Variants in RAB38 observed in about 807,000 individuals in gnomAD.
RAB38 encodes ras-related protein Rab-38.
A neutral mutation model predicts 18.4 loss-of-function variants in RAB38; 15 were observed. The ratio of observed to expected loss-of-function variants is 0.82; its 90% confidence interval spans 0.55 to 1.26. The LOEUF is 1.26. Among genes scored for constraint, RAB38 ranks in the 50% most tolerant of loss-of-function variants. The pLI, the probability that RAB38 is intolerant of heterozygous loss-of-function variation, is 0.00. For synonymous variants in RAB38, 101 were observed against 104.4 expected (o/e 0.97, Z 0.20); for missense variants, 294 against 267.4 (o/e 1.10, Z -0.69).
the RAB38 span, among the ~76,000 whole-genome samples, chr11:87,826,353 G>C: frequency 2.0e-5 from 3 of 151,452 alleles, no homozygotes; most frequent in African/African-American, 7.3e-5. Context: ...AAAAATAAAG[G>C]TGCCAAAAGA....
At chr11:88,151,978 G>GC (rs1423411686) in intron 1 of RAB38, among the ~76,000 whole-genome samples, 5 of 152,188 alleles carry the variant, frequency 3.3e-5, no homozygotes, top group African/African-American at 9.7e-5. Context: ...CAGTTGCCTA[G>GC]TCAACGAAAG....
chr11:88,009,806 T>C, the RAB38 span, among the ~76,000 whole-genome samples: 1 of 152,132 alleles, frequency 6.6e-6, no homozygotes, highest in Non-Finnish European at 1.5e-5. Flanking sequence ...TAATAGAGCA[T>C]TTTGTCTGTG....
At chr11:88,084,407 T>C in the RAB38 span, among the ~76,000 whole-genome samples, 1 of 150,320 alleles carries the variant, frequency 6.7e-6, no homozygotes, top group African/African-American at 2.4e-5. Flanking sequence ...TGTAACAAAA[T>C]AAAAAAAGGA....
the RAB38 span, among the ~76,000 whole-genome samples, chr11:88,059,894 T>A: frequency 6.6e-6 from 1 of 152,254 alleles, no homozygotes; most frequent in African/African-American, 2.4e-5. Flanking sequence ...CTGCCCACTG[T>A]CCTGGTGCCC....
At chr11:87,815,802 G>A in the RAB38 span, 2 of 152,254 alleles carry the variant, frequency 1.3e-5, no homozygotes, top group African/African-American at 4.8e-5. Flanking sequence ...TGAGTAGGAG[G>A]ATAATGCCAG....
chr11:88,091,411 C>T, the RAB38 span, among the ~76,000 whole-genome samples: 3 of 152,112 alleles, frequency 2.0e-5, no homozygotes, highest in Non-Finnish European at 2.9e-5. Flanking sequence ...GAACAGATGA[C>T]GGCTCTTGAA....
the RAB38 span, among the ~76,000 whole-genome samples, chr11:88,105,062 T>C: frequency 6.6e-6 from 1 of 152,086 alleles, no homozygotes; most frequent in Non-Finnish European, 1.5e-5. Flanking sequence ...TTTAATAATA[T>C]TTACCTCCTG....
At chr11:87,957,314 C>A in the RAB38 span, among the ~76,000 whole-genome samples, 1 of 152,010 alleles carries the variant, frequency 6.6e-6, no homozygotes, top group Non-Finnish European at 1.5e-5. Context: ...CCTCACCCCC[C>A]ATAGGGGCAA....
the RAB38 span, among the ~76,000 whole-genome samples, chr11:87,897,827 A>T: frequency 6.6e-6 from 1 of 151,590 alleles, no homozygotes; most frequent in Non-Finnish European, 1.5e-5. Flanking sequence ...TTCTGAGACA[A>T]AGACAGGCAA....
the RAB38 span, among the ~76,000 whole-genome samples, chr11:87,944,864 G>T: frequency 6.6e-6 from 1 of 152,096 alleles, no homozygotes; most frequent in Non-Finnish European, 1.5e-5. Context: ...GTTTGTTTTT[G>T]AAGGAAGGGC....
At chr11:88,116,276 G>A (rs1026491140) in intron 2 of RAB38, among the ~76,000 whole-genome samples, 1 of 152,158 alleles carries the variant, frequency 6.6e-6, no homozygotes, top group African/African-American at 2.4e-5. Context: ...AAGGTAAAAA[G>A]GGGTCTCCTC....
At chr11:88,127,616 T>A (rs1942715591) in intron 2 of RAB38, among the ~76,000 whole-genome samples, 1 of 152,208 alleles carries the variant, frequency 6.6e-6, no homozygotes, top group Non-Finnish European at 1.5e-5. Flanking sequence ...TTTTTATCTT[T>A]CTCTAATTTT....
chr11:87,928,984 G>T, the RAB38 span, among the ~76,000 whole-genome samples: 4 of 151,920 alleles, frequency 2.6e-5, no homozygotes, highest in Non-Finnish European at 5.9e-5. Context: ...GTGTGGTCGT[G>T]TATACCTGTA....
Position 88,132,429 on chromosome 11 carries a change from G to A in RAB38, c.483+17246C>T, listed in dbSNP as rs149990728. Among the ~76,000 whole-genome samples the A allele has an allele frequency of 1.9e-4, 29 of 152,138 alleles. 1 individual carries two copies. The East Asian group carries it at 3.7e-3, about 19-fold the overall frequency. ...TTTAGGGTCTCTTTCAAATATAGAC[G>A]AACACAATTCTAACTGAAATAGATG... On this transcript the variant is annotated intron_variant, in intron 2 of 2. Transcript: ENST00000243662.
At chr11:87,803,881 A>G in the RAB38 span, among the ~76,000 whole-genome samples, 1 of 152,230 alleles carries the variant, frequency 6.6e-6, no homozygotes, top group East Asian at 1.9e-4. Flanking sequence ...GTTAGGCCCC[A>G]AGGCCTGAGA....
At chr11:87,948,795 G>A in the RAB38 span, among the ~76,000 whole-genome samples, 1 of 151,332 alleles carries the variant, frequency 6.6e-6, no homozygotes, top group Non-Finnish European at 1.5e-5. Context: ...CGGTTTGCCA[G>A]TATTTTATTG....
chr11:88,095,389 G>A, the RAB38 span, among the ~76,000 whole-genome samples: 4 of 151,686 alleles, frequency 2.6e-5, no homozygotes, highest in Non-Finnish European at 4.4e-5. Flanking sequence ...TATCTTCTCA[G>A]TCCTCATCCT....
the RAB38 span, among the ~76,000 whole-genome samples, chr11:88,016,525 C>T: frequency 6.6e-6 from 1 of 152,100 alleles, no homozygotes. Flanking sequence ...CAGATGTTCT[C>T]TCCCAGCTAA....
chr11:87,898,771 T>G, the RAB38 span, among the ~76,000 whole-genome samples: 14 of 151,636 alleles, frequency 9.2e-5, no homozygotes, highest in Admixed American at 9.2e-4. Context: ...TAAAGGGCCC[T>G]TATCATACTT....
Sources: allele counts gnomAD v4.1 joint callset (sites outside exome capture counted in the v4.1 genomes callset), GRCh38; gene constraint gnomAD v4.1.1; transcripts MANE v1.5; gene names NCBI Gene and HGNC (gene_info 2026-07-23, HGNC 2026-07-21).